The following DHODH variants were observed in gnomAD, a reference collection of about 807,000 sequenced individuals.
DHODH encodes the protein dihydroorotate dehydrogenase (quinone), mitochondrial.
Under a neutral mutation model 39.7 loss-of-function variants are expected in DHODH, and 30 were observed. The ratio of observed to expected loss-of-function variants is 0.76; its 90% CI spans 0.57 to 1.02. The LOEUF (loss-of-function observed/expected upper bound fraction) is 1.02. DHODH is among the 50% of genes least tolerant of loss of function. DHODH has a pLI of 0.00. For synonymous variants in DHODH, 222 were observed against 213.8 expected, an observed-to-expected ratio of 1.04 and a Z score of -0.34; for missense variants, 531 against 520.8, an observed-to-expected ratio of 1.02 and a Z score of -0.19.
rs777056927 is a variant in DHODH, at chr16:72,012,157, G to A, written c.129G>A (p.Pro43=). 9 of 1,614,028 alleles carry A rather than the reference G, an allele frequency of 5.6e-6. No homozygotes were observed. The highest frequency in any genetic ancestry group is 5.3e-5 in the African/African-American group (4 of 74,896). Residue 43 remains proline, a synonymous_variant, in exon 2 of 9, where the codon CCG becomes CCA. Transcript: ENST00000219240. Reference sequence around the variant, plus strand: ...GTTTCTATGCTGAACACCTGATGCCGACTCTGCAGGGGCTGCTGGACCCGG... The same window carrying A: ...GTTTCTATGCTGAACACCTGATGCCAACTCTGCAGGGGCTGCTGGACCCGG... ...DERFYAEHLM[P]TLQGLLDPES... is the part of the protein sequence containing the mutation.
intron 1 of DHODH, among the ~76,000 whole-genome samples, chr16:72,010,547 G>C (rs1211941065): frequency 2.6e-5 from 4 of 152,208 alleles, no homozygotes; most frequent in African/African-American, 9.6e-5. Flanking sequence ...GTAGGGGCAA[G>C]ATCTGTTTTG....
At chr16:72,013,219 A>G (rs1057017680) in intron 2 of DHODH, among the ~76,000 whole-genome samples, 5 of 152,276 alleles carry the variant, frequency 3.3e-5, no homozygotes, top group Admixed American at 3.3e-4. Flanking sequence ...CTGACTGGCC[A>G]TGCTCACACA....
chr16:72,013,453 C>T (rs1312428081), intron 2 of DHODH: 1 of 152,204 alleles, frequency 6.6e-6, no homozygotes, highest in Non-Finnish European at 1.5e-5. Context: ...AGGTGTTGTC[C>T]TCAACACCTC....
intron 8 of DHODH, 39 bp downstream of exon 8, chr16:72,023,672 C>G (rs577510762): frequency 4.6e-5 from 74 of 1,610,404 alleles, no homozygotes; most frequent in Non-Finnish European, 5.8e-5. Flanking sequence ...AGAAGTTAGG[C>G]AGAGGTTCAT....
chr16:72,022,566 T>C, intron 6 of DHODH, 91 bp downstream of exon 6: 2 of 1,011,348 alleles, frequency 2.0e-6, no homozygotes, highest in South Asian at 2.7e-5. Flanking sequence ...GCGTTCTTTG[T>C]GATTTCCTCT....
In DHODH at chr16:72,023,263, G is replaced by A. The variant is rs1204990834; in HGVS notation, c.918G>A (p.Lys306=). The change falls in exon 7 of 9, where the codon AAG becomes AAA. Residue 306 remains lysine, a synonymous_variant. Transcript: ENST00000219240. ...LRSETGGLSG[K]PLRDLSTQTI... is the part of the protein sequence containing the mutation. ...CTGAAACAGGAGGGCTGAGTGGGAA[G>A]CCCCTCCGGGATTTATCAACTCAAA... The A allele has an allele frequency of 6.2e-7, 1 of 1,614,236 alleles. No homozygotes were observed. The highest frequency in any genetic ancestry group is 8.5e-7 in the Non-Finnish European group (1 of 1,180,044).
intron 1 of DHODH, chr16:72,008,989 G>C (rs1430130541): frequency 1.4e-6 from 2 of 1,472,292 alleles, no homozygotes; most frequent in Admixed American, 2.4e-5. Flanking sequence ...TGCAGACAGC[G>C]CCTGCAGGTC....
chr16:72,012,058 C>T lies in DHODH; in HGVS notation c.30C>T (p.Ala10=), dbSNP rs1442237459. MAWRHLKKR[A]QDAVIILGGG... is the part of the protein sequence containing the mutation. ...TATGCTCTTTTTTGCAGAAGCGGGC[C>T]CAGGATGCTGTGATCATCCTGGGGG... The change falls in exon 2 of 9, where the codon GCC becomes GCT. Residue 10 remains alanine (A), a synonymous_variant. Coordinates refer to ENST00000219240, the MANE Select transcript of DHODH (RefSeq NM_001361.5). 6.2e-7 allele frequency: 1 copy of T among 1,613,944 alleles called. No homozygotes were observed. Among genetic ancestry groups the T allele is most frequent in the Admixed American group, 1.7e-5 (1 of 59,992 alleles).
intron 5 of DHODH, among the ~76,000 whole-genome samples, chr16:72,022,093 CAAAAAAAAAAA>C (rs57957042): frequency 1.2e-5 from 1 of 86,066 alleles, no homozygotes; most frequent in Non-Finnish European, 2.5e-5. Context: ...GACCTTGTCT[CAAAAAAAAAAA>C]AAAAAAAAGA....
intron 3 of DHODH, 132 bp from the exon 4 acceptor site, chr16:72,016,892 G>GT: frequency 1.3e-6 from 1 of 781,234 alleles, no homozygotes; most frequent in African/African-American, 1.7e-5. Flanking sequence ...AGTCCCAGTG[G>GT]TGTTTAGACC....
At chr16:72,023,825 T>A (rs1016785915) in intron 8 of DHODH, among the ~76,000 whole-genome samples, 192 bp downstream of exon 8, 2 of 152,222 alleles carry the variant, frequency 1.3e-5, no homozygotes, top group African/African-American at 4.8e-5. Context: ...AACTGAGGAT[T>A]AACCTCCAAG....
intron 4 of DHODH, 129 bp downstream of exon 4, chr16:72,017,235 C>T: frequency 1.1e-6 from 1 of 941,426 alleles, no homozygotes; most frequent in East Asian, 2.7e-5. Context: ...CCTCAGGACA[C>T]CTCTCCTAGA....
rs2041283383 is a variant in DHODH, at chr16:72,027,014, T to C, written c.*2815T>C. The C allele has an allele frequency of 8.0e-6, 1 of 124,522 alleles. No homozygotes were observed. Among genetic ancestry groups the C allele is most frequent in the Admixed American group, 8.8e-5 (1 of 11,414 alleles). The allele number at this position is 124,522 out of a possible 1,614,324, so 7.7% of individuals were successfully genotyped here. A position where few individuals can be genotyped will look rare whatever the true frequency, so the allele number is the denominator to read the frequency against. ...GTGTGTGTGTGTGTGTGTGTGTTTT[T>C]GAGATGGAGTCCTGCTCTGTCACCC... On this transcript the variant is annotated 3_prime_UTR_variant, in exon 9 of 9. Transcript: ENST00000219240.
intron 6 of DHODH, among the ~76,000 whole-genome samples, 162 bp downstream of exon 6, chr16:72,022,637 C>T (rs980486206): frequency 1.2e-4 from 18 of 152,298 alleles, no homozygotes; most frequent in Middle Eastern, 3.4e-3. Context: ...TGGTCAAAAG[C>T]GAATGTTGGA....
At chr16:72,018,788 A>C (rs761980293) in intron 4 of DHODH, among the ~76,000 whole-genome samples, 1 of 152,194 alleles carries the variant, frequency 6.6e-6, no homozygotes. Context: ...TCTAACTCCC[A>C]AATCTTGTCA....
chr16:72,018,135 C>G (rs11647889), intron 4 of DHODH, among the ~76,000 whole-genome samples: 16,402 of 152,276 alleles, frequency 0.11, 1,231 homozygotes, highest in South Asian at 0.16. Flanking sequence ...CTCTGCCTCA[C>G]TTGCTCTCAG....
At chr16:72,013,669 G>A (rs547545429) in intron 2 of DHODH, 203 of 152,412 alleles carry the variant, frequency 1.3e-3, no homozygotes, top group Non-Finnish European at 2.2e-3. Context: ...ACATCTGAGA[G>A]CAGGACCTGA....
intron 4 of DHODH, among the ~76,000 whole-genome samples, chr16:72,017,883 T>G (rs1487691160): frequency 6.7e-6 from 1 of 150,086 alleles, no homozygotes; most frequent in Non-Finnish European, 1.5e-5. Flanking sequence ...ACTATTCTCC[T>G]GCCTCAGCCT....
At position 72,026,959 on chromosome 16, in the gene DHODH, TTGTGTGTGTGTGTGTGTGTGTGTGTGTG is replaced by T. The variant is rs748279124; in HGVS notation, c.*2784_*2811del. The T allele has an allele frequency of 4.8e-5, 1 of 20,924 alleles. No individual in the cohort carries two copies. The highest frequency in any genetic ancestry group is 1.9e-4 in the African/African-American group (1 of 5,342). 1.3% of individuals were successfully genotyped at this position (20,924 alleles called of 1,614,324 possible). The stretch of plus-strand genomic sequence containing the variant: ...GTGCCCACTACCACACCCAGCTAAT[TTGTGTGTGTGTGTGTGTGTGTGTGTGTG>T]TGTGTGTGTGTGTGTGTGTGTGTTT... On this transcript the variant is annotated 3_prime_UTR_variant, in exon 9 of 9. Coordinates refer to ENST00000219240, the MANE Select transcript of DHODH (RefSeq NM_001361.5).
Sources: allele counts gnomAD v4.1 joint callset (sites outside exome capture counted in the v4.1 genomes callset), GRCh38; gene constraint gnomAD v4.1.1; transcripts MANE v1.5; gene names NCBI Gene and HGNC (gene_info 2026-07-23, HGNC 2026-07-21).